The following ANKRD17 variants were observed in gnomAD, a reference collection of about 807,000 sequenced individuals.
ANKRD17 encodes ankyrin repeat domain-containing protein 17.
A neutral mutation model predicts 229.7 loss-of-function variants in ANKRD17; 19 were observed. The observed-to-expected ratio is 0.08, with a 90% CI of 0.06 to 0.12. ANKRD17 has a LOEUF of 0.12. ANKRD17 is among the 10% of genes least tolerant of loss of function. ANKRD17 has a pLI of 1.00. For synonymous variants in ANKRD17, 1,112 were observed against 1,146.1 expected, an observed-to-expected ratio of 0.97 and a Z score of 0.60; for missense variants, 2,176 against 3,176.8, an observed-to-expected ratio of 0.68 and a Z score of 7.57.
intron 29 of ANKRD17, among the ~76,000 whole-genome samples, 159 bp from the exon 30 acceptor site, chr4:73,085,605 T>C (rs1210312780): frequency 2.0e-5 from 3 of 151,432 alleles, no homozygotes; most frequent in African/African-American, 7.3e-5. Flanking sequence ...TCCCAGCACT[T>C]TGGGAGGCCA....
chr4:73,115,727 A>T, intron 23 of ANKRD17, 94 bp downstream of exon 23: 1 of 917,914 alleles, frequency 1.1e-6, no homozygotes, highest in Non-Finnish European at 1.7e-6. Flanking sequence ...AAATGGCTAC[A>T]TATTACACTT....
intron 30 of ANKRD17, among the ~76,000 whole-genome samples, chr4:73,080,323 C>G (rs1009519591): frequency 6.6e-6 from 1 of 151,770 alleles, no homozygotes; most frequent in African/African-American, 2.4e-5. Context: ...AAAGCTATAA[C>G]CTAAAATTCA....
At chr4:73,111,207 C>A (rs550822019) in intron 24 of ANKRD17, among the ~76,000 whole-genome samples, 1 of 152,148 alleles carries the variant, frequency 6.6e-6, no homozygotes, top group African/African-American at 2.4e-5. Context: ...AAATTAGGCA[C>A]AATGAAAGAT....
chr4:73,081,751 A>G (rs1240693570), intron 30 of ANKRD17, among the ~76,000 whole-genome samples: 3 of 152,244 alleles, frequency 2.0e-5, no homozygotes. Flanking sequence ...AAGTGGCCTA[A>G]GGATTTAAGT....
At chr4:73,137,450 G>T (rs893586969) in intron 15 of ANKRD17, among the ~76,000 whole-genome samples, 1 of 152,136 alleles carries the variant, frequency 6.6e-6, no homozygotes, top group Non-Finnish European at 1.5e-5. Flanking sequence ...CTGTGCTAGA[G>T]GGAGGAAAAG....
At chr4:73,145,855 A>G (rs970606132) in intron 10 of ANKRD17, among the ~76,000 whole-genome samples, 89 of 152,302 alleles carry the variant, frequency 5.8e-4, no homozygotes, top group African/African-American at 2.0e-3. Flanking sequence ...TGACAAAAGA[A>G]AGATTAAATT....
chr4:73,229,897 C>T (rs1414895401), intron 1 of ANKRD17, among the ~76,000 whole-genome samples: 1 of 151,936 alleles, frequency 6.6e-6, no homozygotes, highest in Non-Finnish European at 1.5e-5. Context: ...TATTTCTTTG[C>T]CTTCTACATT....
chr4:73,193,813 G>C (rs565345550), intron 1 of ANKRD17, among the ~76,000 whole-genome samples: 1 of 152,158 alleles, frequency 6.6e-6, no homozygotes, highest in South Asian at 2.1e-4. Context: ...GCACACCTGT[G>C]GTCCCAAGTA....
At chr4:73,243,841 T>C (rs1324737251) in intron 1 of ANKRD17, among the ~76,000 whole-genome samples, 2 of 152,228 alleles carry the variant, frequency 1.3e-5, no homozygotes, top group East Asian at 1.9e-4. Flanking sequence ...TGTTGGTCAA[T>C]TCCTCAAAAG....
intron 3 of ANKRD17, among the ~76,000 whole-genome samples, chr4:73,156,655 T>C (rs191631603): frequency 7.2e-5 from 11 of 152,182 alleles, no homozygotes; most frequent in Middle Eastern, 3.4e-3. Flanking sequence ...TACTGCGCCA[T>C]GGTAAGACAT....
At chr4:73,122,672 C>A (rs574294453) in intron 18 of ANKRD17, among the ~76,000 whole-genome samples, 1 of 152,016 alleles carries the variant, frequency 6.6e-6, no homozygotes, top group Non-Finnish European at 1.5e-5. Context: ...TACTAACTGG[C>A]AAATAATAAA....
At chr4:73,134,227 A>G (rs1178626804) in intron 16 of ANKRD17, among the ~76,000 whole-genome samples, 1 of 152,112 alleles carries the variant, frequency 6.6e-6, no homozygotes, top group Non-Finnish European at 1.5e-5. Context: ...CAACACAAAC[A>G]CACATACACT....
At chr4:73,086,341 A>T (rs1334365670) in intron 29 of ANKRD17, among the ~76,000 whole-genome samples, 1 of 152,192 alleles carries the variant, frequency 6.6e-6, no homozygotes, top group Non-Finnish European at 1.5e-5. Context: ...AAGAGGAAGA[A>T]TAAACGTTTA....
chr4:73,086,407 G>A (rs1035824899), intron 29 of ANKRD17, among the ~76,000 whole-genome samples: 5 of 151,884 alleles, frequency 3.3e-5, no homozygotes, highest in South Asian at 2.1e-4. Context: ...TAGGGATAAA[G>A]ATAAAACATT....
intron 24 of ANKRD17, among the ~76,000 whole-genome samples, chr4:73,104,370 C>G (rs969845597): frequency 6.6e-6 from 1 of 152,112 alleles, no homozygotes. Flanking sequence ...GTTTTCTCCA[C>G]GTGGACCCCA....
Position 73,098,901 on chromosome 4 carries a change from G to T in ANKRD17, c.4574-381C>A, listed in dbSNP as rs1308052370. On this transcript the variant is annotated intron_variant, in intron 25 of 33. Transcript: ENST00000358602. ...GACAGCACTGAGAAGCGGGGCCGGG[G>T]CAGGCCCCGCAAGCAGCCTCTGGTG... 36 of 1,145,146 alleles carry T rather than the reference G, an allele frequency of 3.1e-5. 1 individual carries two copies. The South Asian group carries it at 3.8e-4, about 12-fold the overall frequency. 70.9% of individuals were successfully genotyped at this position (1,145,146 alleles called of 1,614,324 possible).
At chr4:73,242,501 G>C (rs1744130086) in intron 1 of ANKRD17, among the ~76,000 whole-genome samples, 1 of 151,876 alleles carries the variant, frequency 6.6e-6, no homozygotes, top group Non-Finnish European at 1.5e-5. Flanking sequence ...TTTCCGAATG[G>C]GAATATTCAG....
intron 20 of ANKRD17, among the ~76,000 whole-genome samples, chr4:73,120,541 C>CAAAAA: frequency 8.5e-6 from 1 of 118,034 alleles, no homozygotes; most frequent in Non-Finnish European, 1.7e-5. Context: ...AACGGTATTG[C>CAAAAA]AAAAAAAAAA....
chr4:73,132,995 C>T (rs867535573), intron 16 of ANKRD17, among the ~76,000 whole-genome samples: 1 of 152,150 alleles, frequency 6.6e-6, no homozygotes, highest in South Asian at 2.1e-4. Context: ...GCCTGTAATC[C>T]CAGCACTTTG....
Sources: allele counts gnomAD v4.1 joint callset (sites outside exome capture counted in the v4.1 genomes callset), GRCh38; gene constraint gnomAD v4.1.1; transcripts MANE v1.5; gene names NCBI Gene and HGNC (gene_info 2026-07-23, HGNC 2026-07-21).